The following EXOC4 variants were observed in gnomAD, a reference collection of about 807,000 sequenced individuals.
The protein encoded by EXOC4 is exocyst complex component 4, also known as SEC8-like 1.
In EXOC4, 71 loss-of-function variants were observed where a neutral mutation model predicts 107.2. The ratio of observed to expected loss-of-function variants is 0.66; its 90% CI spans 0.55 to 0.81. The LOEUF (loss-of-function observed/expected upper bound fraction) is 0.81, where lower values mean the gene tolerates loss of function less well. EXOC4 is among the 30% of genes least tolerant of loss of function. The pLI is 0.00. For missense variants in EXOC4, 1,108 were observed against 1,189.6 expected, an observed-to-expected ratio of 0.93 and a Z score of 1.01; for synonymous variants, 456 against 441.2, an observed-to-expected ratio of 1.03 and a Z score of -0.42.
At chr7:133,951,960 A>T (rs1800701914) in intron 14 of EXOC4, among the ~76,000 whole-genome samples, 1 of 152,178 alleles carries the variant, frequency 6.6e-6, no homozygotes. Flanking sequence ...AGGAGTTACT[A>T]GCCTGGCCAA....
At chr7:133,993,645 A>C (rs1794311537) in intron 14 of EXOC4, among the ~76,000 whole-genome samples, 1 of 152,212 alleles carries the variant, frequency 6.6e-6, no homozygotes. Context: ...CTAATATAGC[A>C]AAAAGTCTGA....
At chr7:133,413,835 T>A (rs1797415281) in intron 7 of EXOC4, among the ~76,000 whole-genome samples, 1 of 152,092 alleles carries the variant, frequency 6.6e-6, no homozygotes, top group South Asian at 2.1e-4. Context: ...TGGCCCATAG[T>A]GACTGATCAG....
intron 10 of EXOC4, among the ~76,000 whole-genome samples, chr7:133,636,236 T>TC (rs35947653): frequency 0.98 from 149,207 of 152,278 alleles, 73,170 homozygotes; most frequent in East Asian, 1. Context: ...CTCATTTCTT[T>TC]CAGAAATTTA....
intron 9 of EXOC4, among the ~76,000 whole-genome samples, chr7:133,627,347 A>G (rs1172355474): frequency 2.0e-5 from 3 of 152,228 alleles, no homozygotes; most frequent in Non-Finnish European, 4.4e-5. Flanking sequence ...GACTGGAGCC[A>G]GGTTAGTCAG....
chr7:133,647,452 G>A (rs1038600935), intron 10 of EXOC4, among the ~76,000 whole-genome samples: 1 of 152,178 alleles, frequency 6.6e-6, no homozygotes, highest in Non-Finnish European at 1.5e-5. Context: ...TGTGTGGTAG[G>A]AAATAGTATC....
intron 9 of EXOC4, among the ~76,000 whole-genome samples, chr7:133,557,013 G>A (rs925866376): frequency 6.6e-6 from 1 of 152,168 alleles, no homozygotes; most frequent in Non-Finnish European, 1.5e-5. Flanking sequence ...TAGGCAGATA[G>A]AGGGTGGACC....
intron 17 of EXOC4, among the ~76,000 whole-genome samples, chr7:134,059,265 C>T (rs1585361240): frequency 6.6e-6 from 1 of 152,150 alleles, no homozygotes; most frequent in South Asian, 2.1e-4. Context: ...TGTTTCTAAT[C>T]ACTTTCAGAG....
chr7:133,358,348 G>T (rs1225428361), intron 6 of EXOC4, among the ~76,000 whole-genome samples: 6 of 152,184 alleles, frequency 3.9e-5, no homozygotes, highest in Non-Finnish European at 7.3e-5. Context: ...TTTAGATGAG[G>T]TTATATGGTT....
rs1341297904 is a variant in EXOC4, at chr7:133,286,778, A to G, written c.277-2144A>G. Among the ~76,000 whole-genome samples, 3 of 152,074 alleles carry G rather than the reference A, an allele frequency of 2.0e-5. No individual in the cohort carries two copies. In the East Asian group the frequency reaches 5.8e-4, roughly 29 times the overall value. On this transcript the variant is annotated intron_variant, in intron 2 of 17. Coordinates refer to ENST00000253861, the MANE Select transcript of EXOC4 (RefSeq NM_021807.4). Reference sequence around the variant, plus strand: ...GACCGAGGGTCCATGGGGGCTTTGGATCGTACTGTTTAATATGTCCCACTT... The same window carrying G: ...GACCGAGGGTCCATGGGGGCTTTGGGTCGTACTGTTTAATATGTCCCACTT...
the EXOC4 span, among the ~76,000 whole-genome samples, chr7:134,087,934 G>A: frequency 6.6e-5 from 10 of 152,086 alleles, no homozygotes; most frequent in Non-Finnish European, 1.2e-4. Context: ...CTTTAAATTG[G>A]CATTGATGTA....
chr7:133,850,760 A>G (rs1053953411), intron 11 of EXOC4, among the ~76,000 whole-genome samples: 1 of 152,060 alleles, frequency 6.6e-6, no homozygotes, highest in Admixed American at 6.6e-5. Context: ...ATTCCACTCC[A>G]TGACTGGCCT....
At chr7:133,277,802 A>G (rs1484346839) in intron 2 of EXOC4, among the ~76,000 whole-genome samples, 1 of 152,168 alleles carries the variant, frequency 6.6e-6, no homozygotes, top group African/African-American at 2.4e-5. Flanking sequence ...GTTTTTGACA[A>G]TTTTGTACCA....
At chr7:133,862,078 C>G (rs1281023891) in intron 11 of EXOC4, among the ~76,000 whole-genome samples, 2 of 151,914 alleles carry the variant, frequency 1.3e-5, no homozygotes, top group South Asian at 2.1e-4. Context: ...TGCTGTGTAC[C>G]TAGCTTTGGG....
chr7:133,978,921 G>A (rs1009227004), intron 14 of EXOC4, among the ~76,000 whole-genome samples: 3 of 152,222 alleles, frequency 2.0e-5, no homozygotes, highest in Non-Finnish European at 4.4e-5. Flanking sequence ...CAGGAAAGTG[G>A]CTAGAGGTGA....
chr7:133,447,706 C>T lies in EXOC4; in HGVS notation c.1183-27622C>T, dbSNP rs1307309812. 5.9e-5 allele frequency among the ~76,000 whole-genome samples: 9 copies of T among 151,876 alleles called. 1 individual carries two copies. On this transcript the variant is annotated intron_variant, in intron 7 of 17. Coordinates refer to ENST00000253861, the MANE Select transcript of EXOC4 (RefSeq NM_021807.4). ...GAAGATTTAAAAATCACCCAGAATC[C>T]TTTATCCCAGGGATAATTTTTAACC...
chr7:133,790,418 C>G (rs1796678337), intron 10 of EXOC4, among the ~76,000 whole-genome samples: 1 of 152,224 alleles, frequency 6.6e-6, no homozygotes, highest in South Asian at 2.1e-4. Context: ...CATGGAAAAT[C>G]ATGCTTCCAT....
At chr7:133,964,747 G>C (rs958119530) in intron 14 of EXOC4, among the ~76,000 whole-genome samples, 71 of 152,166 alleles carry the variant, frequency 4.7e-4, no homozygotes, top group Non-Finnish European at 2.1e-4. Flanking sequence ...CATTTGGGTT[G>C]GTTCCAAGCC....
intron 10 of EXOC4, among the ~76,000 whole-genome samples, chr7:133,754,788 G>T (rs747700598): frequency 2.0e-5 from 3 of 152,064 alleles, no homozygotes. Context: ...GAATTTAGAA[G>T]GGCTAAGAAG....
chr7:133,484,378 C>CT (rs1458210506), intron 9 of EXOC4, among the ~76,000 whole-genome samples: 2 of 152,102 alleles, frequency 1.3e-5, no homozygotes, highest in Non-Finnish European at 2.9e-5. Context: ...CATAGGCTTC[C>CT]TGTGGTTTTA....
Sources: gnomAD v4.1 joint callset for allele counts (sites outside exome capture counted in the v4.1 genomes callset) on GRCh38, gnomAD v4.1.1 for gene constraint, MANE v1.5 for transcripts, NCBI Gene and HGNC (gene_info 2026-07-23, HGNC 2026-07-21) for gene names.